The following TFDP2 variants were observed in gnomAD, a reference collection of about 807,000 sequenced individuals.
The protein encoded by TFDP2 is transcription factor Dp-2.
TFDP2 carries 17 observed loss-of-function variants against 59.3 expected under a neutral mutation model. The ratio of observed to expected loss-of-function variants is 0.29; its 90% CI spans 0.20 to 0.43. The LOEUF (loss-of-function observed/expected upper bound fraction) is 0.43. TFDP2 is among the 20% of genes least tolerant of loss of function. TFDP2 has a pLI of 1.00. For missense variants in TFDP2, 391 were observed against 528.8 expected (o/e 0.74, Z 2.56); for synonymous variants, 180 against 194.7 (o/e 0.92, Z 0.63).
intron 1 of TFDP2, among the ~76,000 whole-genome samples, chr3:142,122,667 T>A (rs2062089651): frequency 6.6e-6 from 1 of 152,090 alleles, no homozygotes; most frequent in Admixed American, 6.6e-5. Flanking sequence ...GGATCTTATA[T>A]CCAAGCAACA....
At chr3:142,007,775 C>T (rs1944330661) in intron 3 of TFDP2, among the ~76,000 whole-genome samples, 1 of 152,180 alleles carries the variant, frequency 6.6e-6, no homozygotes, top group African/African-American at 2.4e-5. Flanking sequence ...CCCTCACATG[C>T]ACAGTTCACA....
intron 3 of TFDP2, among the ~76,000 whole-genome samples, chr3:142,079,388 A>G (rs2060564144): frequency 6.6e-6 from 1 of 152,204 alleles, no homozygotes; most frequent in Non-Finnish European, 1.5e-5. Context: ...AAGATCTAGA[A>G]AATAGCCTCC....
rs756057329 is a variant in TFDP2, at chr3:142,005,534, T to C, written c.93A>G (p.Ser31=). ...TATTGGAAACTGGAAATGCAACAAA[T>C]GAAATGTTGCCTGAAATGATATCAA... The part of the protein sequence containing the change: ...QNLSPTKGNI[S]FVAFPVSNTN... The change falls in exon 4 of 13, where the codon TCA becomes TCG. Residue 31 remains serine, a synonymous_variant. Transcript: ENST00000489671. The C allele has an allele frequency of 3.8e-6, 6 of 1,593,440 alleles. No homozygotes were observed. The East Asian group carries it at 9.0e-5, about 24-fold the overall frequency.
chr3:142,024,339 A>G (rs1029387141), intron 3 of TFDP2, among the ~76,000 whole-genome samples: 2 of 152,234 alleles, frequency 1.3e-5, no homozygotes. Flanking sequence ...AAGAAACAAC[A>G]TAATTACATG....
At chr3:142,122,829 G>GTATAGTTAAATAGC (rs915555998) in intron 1 of TFDP2, among the ~76,000 whole-genome samples, 6 of 152,134 alleles carry the variant, frequency 3.9e-5, no homozygotes, top group Non-Finnish European at 7.3e-5. Flanking sequence ...TCTGGGCAGA[G>GTATAGTTAAATAGC]TATAGTTAAA....
intron 1 of TFDP2, among the ~76,000 whole-genome samples, chr3:142,115,411 C>T (rs1390211903): frequency 2.0e-5 from 3 of 151,700 alleles, no homozygotes; most frequent in African/African-American, 7.3e-5. Context: ...CTCCACCTCC[C>T]GGATTCACGC....
chr3:141,977,107 T>TATA (rs1491255094), intron 7 of TFDP2, among the ~76,000 whole-genome samples: 2,677 of 86,294 alleles, frequency 0.031, 69 homozygotes, highest in African/African-American at 0.088. Context: ...TATATATATA[T>TATA]TTTTTTTTTT....
At chr3:142,110,448 G>A (rs1283271581) in intron 1 of TFDP2, among the ~76,000 whole-genome samples, 1 of 151,658 alleles carries the variant, frequency 6.6e-6, no homozygotes, top group Non-Finnish European at 1.5e-5. Flanking sequence ...TGGTTGCAGT[G>A]AGCCGAGATC....
chr3:142,089,325 T>C (rs116569859), intron 3 of TFDP2, among the ~76,000 whole-genome samples: 2 of 150,364 alleles, frequency 1.3e-5, no homozygotes, highest in Non-Finnish European at 3.0e-5. Context: ...ATTAATAGAA[T>C]AGTGATAACT....
chr3:142,098,200 T>C (rs938463668), intron 2 of TFDP2, among the ~76,000 whole-genome samples: 1 of 151,874 alleles, frequency 6.6e-6, no homozygotes, highest in Non-Finnish European at 1.5e-5. Context: ...TTTCTTTATC[T>C]GTATTTTCTA....
At chr3:141,974,006 A>G in intron 8 of TFDP2, 42 bp downstream of exon 8, 1 of 1,576,326 alleles carries the variant, frequency 6.3e-7, no homozygotes, top group Non-Finnish European at 8.6e-7. Context: ...TGTGATGTAA[A>G]ATAATGCAAA....
intron 3 of TFDP2, among the ~76,000 whole-genome samples, chr3:142,019,937 C>T (rs1478167669): frequency 6.6e-6 from 1 of 152,188 alleles, no homozygotes; most frequent in Non-Finnish European, 1.5e-5. Context: ...AAAGAATAAG[C>T]TGAGTCAGAA....
chr3:142,026,254 C>T (rs773753655), intron 3 of TFDP2, among the ~76,000 whole-genome samples: 2 of 151,942 alleles, frequency 1.3e-5, no homozygotes, highest in Non-Finnish European at 2.9e-5. Flanking sequence ...ACTGGGGAGG[C>T]TGAGGCAGGT....
At chr3:141,970,912 G>A (rs1322995793) in intron 8 of TFDP2, among the ~76,000 whole-genome samples, 1 of 151,938 alleles carries the variant, frequency 6.6e-6, no homozygotes, top group East Asian at 1.9e-4. Flanking sequence ...AAATACAAAA[G>A]CCAGGTGTGG....
At chr3:142,065,061 G>T (rs1401973254) in intron 3 of TFDP2, among the ~76,000 whole-genome samples, 2 of 152,102 alleles carry the variant, frequency 1.3e-5, no homozygotes, top group Admixed American at 1.3e-4. Context: ...GGATCAGATG[G>T]TAAAGGTTTT....
intron 3 of TFDP2, among the ~76,000 whole-genome samples, chr3:142,084,151 T>C (rs1267003297): frequency 6.6e-6 from 1 of 151,890 alleles, no homozygotes; most frequent in Admixed American, 6.6e-5. Context: ...ACAATTCAAT[T>C]AAAAAATGGG....
intron 1 of TFDP2, among the ~76,000 whole-genome samples, chr3:142,120,543 T>C (rs937517564): frequency 6.6e-6 from 1 of 152,160 alleles, no homozygotes; most frequent in Non-Finnish European, 1.5e-5. Flanking sequence ...AGCCAAGTCA[T>C]CAGTAAAAAA....
chr3:142,042,280 A>G (rs1947015335), intron 3 of TFDP2, among the ~76,000 whole-genome samples: 1 of 152,024 alleles, frequency 6.6e-6, no homozygotes, highest in Non-Finnish European at 1.5e-5. Flanking sequence ...TTTTCCTAAT[A>G]ACACTGTAAA....
intron 3 of TFDP2, among the ~76,000 whole-genome samples, chr3:142,076,618 T>C (rs1004871701): frequency 6.6e-6 from 1 of 152,228 alleles, no homozygotes; most frequent in African/African-American, 2.4e-5. Flanking sequence ...AGGTTGTGAC[T>C]AGTAAAACAC....
Sources: allele counts gnomAD v4.1 joint callset (sites outside exome capture counted in the v4.1 genomes callset), GRCh38; gene constraint gnomAD v4.1.1; transcripts MANE v1.5; gene names NCBI Gene and HGNC (gene_info 2026-07-23, HGNC 2026-07-21).